CNTLN: variants seen among roughly 807,000 people sequenced by gnomAD.
CNTLN encodes centlein, centrosomal protein.
CNTLN carries 212 observed loss-of-function variants against 180.0 expected under a neutral mutation model. That is an observed-to-expected ratio of 1.18 (90% CI 1.05 to 1.32). CNTLN has a LOEUF of 1.32. Among genes scored for constraint, CNTLN ranks in the 40% most tolerant of loss-of-function variants. The pLI is 0.00. For synonymous variants in CNTLN, 722 were observed against 563.1 expected (o/e 1.28, Z -3.99); for missense variants, 2,095 against 1,610.9 (o/e 1.30, Z -5.14).
chr9:17,462,874 G>C (rs761749020), intron 19 of CNTLN, 42 bp from the exon 20 acceptor site: 2 of 1,073,398 alleles, frequency 1.9e-6, no homozygotes, highest in South Asian at 1.8e-5. Context: ...CTTAGACCAA[G>C]GTTGTAAGGT....
intron 18 of CNTLN, among the ~76,000 whole-genome samples, chr9:17,453,195 C>A (rs905615192): frequency 6.6e-6 from 1 of 151,972 alleles, no homozygotes; most frequent in Admixed American, 6.6e-5. Context: ...TACCTGTAGT[C>A]CCTGCTGCTC....
At chr9:17,326,648 A>C (rs1023312578) in intron 8 of CNTLN, among the ~76,000 whole-genome samples, 1 of 152,198 alleles carries the variant, frequency 6.6e-6, no homozygotes, top group Non-Finnish European at 1.5e-5. Flanking sequence ...ACAAAACTCT[A>C]CTTCAGCCAG....
chr9:17,334,944 G>A (rs1820902583), intron 10 of CNTLN, among the ~76,000 whole-genome samples: 1 of 151,150 alleles, frequency 6.6e-6, no homozygotes, highest in Non-Finnish European at 1.5e-5. Flanking sequence ...TTTTCAATTG[G>A]CAAGCTAGAG....
chr9:17,234,696 T>C (rs1334186975), intron 3 of CNTLN, among the ~76,000 whole-genome samples: 1 of 152,130 alleles, frequency 6.6e-6, no homozygotes, highest in Non-Finnish European at 1.5e-5. Flanking sequence ...AAGGTGTTTC[T>C]ATCTTGATGT....
In CNTLN at chr9:17,371,920, A is replaced by G. The variant is rs1201799394; in HGVS notation, c.1987+5203A>G. On this transcript the variant is annotated intron_variant, in intron 13 of 25. Transcript: ENST00000380647. Reference sequence around the variant, plus strand: ...ATTTAAAAATTTCTTGAAACAAATGATAATGGAAGCACAACATACTAGAAC... The same window carrying G: ...ATTTAAAAATTTCTTGAAACAAATGGTAATGGAAGCACAACATACTAGAAC... 2.0e-5 allele frequency among the ~76,000 whole-genome samples: 3 copies of G among 152,138 alleles called. No homozygotes were observed. In the East Asian group the frequency reaches 5.8e-4, roughly 29 times the overall value.
intron 13 of CNTLN, among the ~76,000 whole-genome samples, chr9:17,368,964 C>G (rs1169759444): frequency 6.6e-6 from 1 of 152,142 alleles, no homozygotes; most frequent in Non-Finnish European, 1.5e-5. Context: ...AAATATCTAA[C>G]TTTTGTATTC....
At chr9:17,170,997 T>A (rs1234672142) in intron 2 of CNTLN, among the ~76,000 whole-genome samples, 1 of 152,192 alleles carries the variant, frequency 6.6e-6, no homozygotes, top group African/African-American at 2.4e-5. Context: ...AGCCTAGGTG[T>A]GTAGTAGTCT....
rs192219430 is a variant in CNTLN at position 17,164,239 on chromosome 9, A to G, written c.449+20863A>G. Among the ~76,000 whole-genome samples the G allele has an allele frequency of 9.3e-4, 139 of 148,666 alleles. 2 individuals carry two copies. The East Asian group carries it at 0.021, about 22-fold the overall frequency. On this transcript the variant is annotated intron_variant, in intron 2 of 25. Transcript: ENST00000380647. Reference sequence around the variant, plus strand: ...AGGCAGGAGAATCACTTGAACCCGAAAGGCAGAGGTTGCAGTGAGCCAAGA... The same window carrying G: ...AGGCAGGAGAATCACTTGAACCCGAGAGGCAGAGGTTGCAGTGAGCCAAGA...
intron 18 of CNTLN, among the ~76,000 whole-genome samples, chr9:17,421,323 C>A (rs1828707619): frequency 6.6e-6 from 1 of 151,878 alleles, no homozygotes; most frequent in Non-Finnish European, 1.5e-5. Context: ...TATATAATGA[C>A]CTTTTCTTTC....
chr9:17,185,982 A>C (rs1821413856), intron 2 of CNTLN, among the ~76,000 whole-genome samples: 1 of 152,070 alleles, frequency 6.6e-6, no homozygotes, highest in South Asian at 2.1e-4. Context: ...TTGTAGAGGC[A>C]GGTCTCACTG....
At chr9:17,290,361 C>T (rs1176647355) in intron 6 of CNTLN, among the ~76,000 whole-genome samples, 2 of 150,536 alleles carry the variant, frequency 1.3e-5, no homozygotes, top group Non-Finnish European at 3.0e-5. Context: ...AGGCAGTCTG[C>T]CCGTTCTCAG....
chr9:17,226,590 C>T (rs533701654), intron 3 of CNTLN, among the ~76,000 whole-genome samples: 2 of 151,918 alleles, frequency 1.3e-5, no homozygotes, highest in African/African-American at 2.4e-5. Flanking sequence ...TCATTTACTT[C>T]TGAAACTTGT....
intron 3 of CNTLN, among the ~76,000 whole-genome samples, chr9:17,228,995 A>G (rs1824648144): frequency 1.3e-5 from 2 of 152,110 alleles, no homozygotes; most frequent in Non-Finnish European, 2.9e-5. Context: ...GGAAGCATGA[A>G]TCTGATGAAG....
intron 23 of CNTLN, among the ~76,000 whole-genome samples, chr9:17,480,437 A>G (rs140865514): frequency 1.7e-4 from 26 of 152,248 alleles, no homozygotes; most frequent in Non-Finnish European, 2.9e-4. Context: ...ATGTTTATGT[A>G]TCTGAAAACA....
intron 2 of CNTLN, among the ~76,000 whole-genome samples, chr9:17,213,612 G>C (rs1359493671): frequency 6.6e-6 from 1 of 152,110 alleles, no homozygotes; most frequent in Non-Finnish European, 1.5e-5. Context: ...GGATATTTTT[G>C]TTAACTTTCT....
At chr9:17,155,107 C>G (rs74520920) in intron 2 of CNTLN, among the ~76,000 whole-genome samples, 14,634 of 152,230 alleles carry the variant, frequency 0.096, 748 homozygotes, top group South Asian at 0.14. Context: ...CTGAAGTCAG[C>G]AAGACCACGA....
chr9:17,205,127 G>A (rs555343399), intron 2 of CNTLN, among the ~76,000 whole-genome samples: 1 of 152,234 alleles, frequency 6.6e-6, no homozygotes, highest in South Asian at 2.1e-4. Flanking sequence ...TGGGCTCCGT[G>A]GGAGTGGGAC....
rs549460566 is a variant in CNTLN at position 17,348,261 on chromosome 9, C to T, written c.1886+5817C>T. On this transcript the variant is annotated intron_variant, in intron 12 of 25. Transcript: ENST00000380647. ...TTACACCATCATAAAGTTGAAAAAT[C>T]GTTAAGGAGAAGCATTGTAAATCAG... Among the ~76,000 whole-genome samples the T allele has an allele frequency of 4.6e-5, 7 of 152,246 alleles. No homozygotes were observed. In the South Asian group the frequency reaches 1.5e-3, roughly 32 times the overall value.
At chr9:17,386,685 G>A (rs1825711844) in intron 13 of CNTLN, among the ~76,000 whole-genome samples, 1 of 152,192 alleles carries the variant, frequency 6.6e-6, no homozygotes, top group Non-Finnish European at 1.5e-5. Context: ...CAATCTACCA[G>A]TGGACCTCAC....
Sources: gnomAD v4.1 joint callset for allele counts (sites outside exome capture counted in the v4.1 genomes callset) on GRCh38, gnomAD v4.1.1 for gene constraint, MANE v1.5 for transcripts, NCBI Gene and HGNC (gene_info 2026-07-23, HGNC 2026-07-21) for gene names.